Variants in FAM228A observed in about 807,000 individuals in gnomAD.
The protein encoded by FAM228A is protein FAM228A.
In FAM228A, 13 loss-of-function variants were observed where a neutral mutation model predicts 18.6. The ratio of observed to expected loss-of-function variants is 0.70; its 90% CI spans 0.45 to 1.11. FAM228A has a LOEUF of 1.11. Among genes scored for constraint, FAM228A ranks in the 50% least tolerant of loss-of-function variants. FAM228A has a pLI of 0.00. For synonymous variants in FAM228A, 77 were observed against 86.6 expected (o/e 0.89, Z 0.61); for missense variants, 240 against 242.2 (o/e 0.99, Z 0.06).
rs1667648525 is a variant in FAM228A at position 24,175,186 on chromosome 2, G to A, written c.-15+12G>A. ...GGAGCTGGCCTGAGGTGGGGCCCGG[G>A]GAGGCCTACGGGCCTGGGGGTCGCG... On this transcript the variant is annotated intron_variant, in intron 1 of 5. Transcript: ENST00000295150. 8.6e-6 allele frequency: 3 copies of A among 349,656 alleles called. No homozygotes were observed. The highest frequency in any genetic ancestry group is 8.6e-4 in the Middle Eastern group (1 of 1,166). The allele number at this position is 349,656 out of a possible 1,614,324, so 21.7% of individuals were successfully genotyped here. A position where few individuals can be genotyped will look rare whatever the true frequency, so the allele number is the denominator to read the frequency against.
chr2:24,191,028 A>G lies in FAM228A; in HGVS notation c.*397A>G, dbSNP rs2151050800. ...ACACAACTGGTGGGAAGTTTTTGAAATGAAATTTATACCAAAAAATTAGGG... is the reference window on the plus strand; with the variant it reads ...ACACAACTGGTGGGAAGTTTTTGAAGTGAAATTTATACCAAAAAATTAGGG... On this transcript the variant is annotated 3_prime_UTR_variant, in exon 6 of 6. Transcript: ENST00000295150. 1 of 999,680 alleles carries G rather than the reference A, an allele frequency of 1.0e-6. No homozygotes were observed. The highest frequency in any genetic ancestry group is 4.7e-5 in the South Asian group (1 of 21,420). The allele number at this position is 999,680 out of a possible 1,614,324, so 61.9% of individuals were successfully genotyped here.
In FAM228A at chr2:24,176,948, G is replaced by A. The variant is rs183991127; in HGVS notation, c.94-854G>A. Among the ~76,000 whole-genome samples, 58 of 152,248 alleles carry A rather than the reference G, an allele frequency of 3.8e-4. 1 individual carries two copies. Among genetic ancestry groups the A allele is most frequent in the African/African-American group, 1.3e-3 (54 of 41,546 alleles). ...TCCAACTGAAAAAGCCCTAAAGTGGGGATTAAAATGCATCAGCTTTACCCA... is the reference window on the plus strand; with the variant it reads ...TCCAACTGAAAAAGCCCTAAAGTGGAGATTAAAATGCATCAGCTTTACCCA... On this transcript the variant is annotated intron_variant, in intron 2 of 5. Transcript: ENST00000295150.
chr2:24,182,578 C>T (rs1423325547), intron 3 of FAM228A, among the ~76,000 whole-genome samples: 1 of 152,076 alleles, frequency 6.6e-6, no homozygotes, highest in Admixed American at 6.6e-5. Flanking sequence ...GCTCTGGTCA[C>T]CTGACCCTCT....
intron 5 of FAM228A, 142 bp downstream of exon 5, chr2:24,183,787 A>G (rs1667873770): frequency 2.8e-6 from 2 of 719,410 alleles, no homozygotes; most frequent in Admixed American, 3.3e-5. Context: ...GTATTATGAA[A>G]TATATGTAGA....
Position 24,191,396 on chromosome 2 carries a change from T to G in FAM228A, c.*765T>G. The G allele has an allele frequency of 1.0e-6, 1 of 985,482 alleles. No homozygotes were observed. Among genetic ancestry groups the G allele is most frequent in the South Asian group, 4.7e-5 (1 of 21,286 alleles). The allele number at this position is 985,482 out of a possible 1,614,324, so 61.0% of individuals were successfully genotyped here. ...CAGCTCCTGCTCAGTCCCATCGCTG[T>G]CCCCGGTCTCTCCAGGGAGTAAGGG... On this transcript the variant is annotated 3_prime_UTR_variant, in exon 6 of 6. Coordinates refer to ENST00000295150, the MANE Select transcript of FAM228A (RefSeq NM_001040710.3).
chr2:24,176,549 G>C (rs1667697671), intron 2 of FAM228A, among the ~76,000 whole-genome samples: 1 of 152,200 alleles, frequency 6.6e-6, no homozygotes, highest in Non-Finnish European at 1.5e-5. Flanking sequence ...AGGCTTTAAA[G>C]CAAGATCCTG....
At chr2:24,182,539 A>G (rs567995291) in intron 3 of FAM228A, among the ~76,000 whole-genome samples, 1 of 152,246 alleles carries the variant, frequency 6.6e-6, no homozygotes, top group Non-Finnish European at 1.5e-5. Flanking sequence ...ATACTTCTGT[A>G]TGTCCCTACC....
At chr2:24,177,554 T>C (rs548791676) in intron 2 of FAM228A, among the ~76,000 whole-genome samples, 1 of 151,568 alleles carries the variant, frequency 6.6e-6, no homozygotes, top group South Asian at 2.1e-4. Flanking sequence ...TTTTTTTAAA[T>C]AGTCTGGGTG....
chr2:24,175,815 C>T (rs1407512770), intron 2 of FAM228A: 2 of 1,058,044 alleles, frequency 1.9e-6, no homozygotes, highest in Non-Finnish European at 2.5e-6. Flanking sequence ...AAGGCAGCCA[C>T]CCCAGCTCCC....
rs1317393231 is a variant in FAM228A, at chr2:24,175,119, G to C, written c.-70G>C. 5.1e-6 allele frequency: 1 copy of C among 194,974 alleles called. No individual in the cohort carries two copies. Among genetic ancestry groups the C allele is most frequent in the Non-Finnish European group, 1.0e-5 (1 of 96,432 alleles). 12.1% of individuals were successfully genotyped at this position (194,974 alleles called of 1,614,324 possible). A position where few individuals can be genotyped will look rare whatever the true frequency, so the allele number is the denominator to read the frequency against. On this transcript the variant is annotated 5_prime_UTR_variant, in exon 1 of 6. Coordinates refer to ENST00000295150, the MANE Select transcript of FAM228A (RefSeq NM_001040710.3). ...GCCGCTCCAGGACGCGGCCTCGGGG[G>C]AGCCCTACCGGGACGGAGCCGCGGG... is the stretch of plus-strand genomic sequence containing the variant.
At chr2:24,188,493 C>A in intron 5 of FAM228A, 1 of 985,286 alleles carries the variant, frequency 1.0e-6, no homozygotes, top group African/African-American at 1.7e-5. Flanking sequence ...CATTGAGAAA[C>A]CAAGCACATT....
At chr2:24,178,107 T>C (rs942345035) in intron 3 of FAM228A, among the ~76,000 whole-genome samples, 1 of 152,214 alleles carries the variant, frequency 6.6e-6, no homozygotes, top group Non-Finnish European at 1.5e-5. Context: ...TCTGAGAAGT[T>C]GTTCCAATTG....
rs368889734 is a variant in FAM228A at position 24,183,530 on chromosome 2, G to C, written c.286G>C (p.Glu96Gln). 23 of 1,612,646 alleles carry C rather than the reference G, an allele frequency of 1.4e-5. No homozygotes were observed. Among genetic ancestry groups the C allele is most frequent in the Non-Finnish European group, 1.8e-5 (21 of 1,179,622 alleles). The change falls in exon 5 of 6, where the codon GAG (glutamate) becomes CAG (glutamine). Residue 96 changes from glutamate (E) to glutamine (Q), a missense_variant. Physicochemically the swap from Glu to Gln is conservative, Grantham distance 29 (BLOSUM62 2). Coordinates refer to ENST00000295150, the MANE Select transcript of FAM228A (RefSeq NM_001040710.3). ...TTCCATAAAAGAACTTGAAGAAATA[G>C]AGAAGGCCAGGCTGCATGCCAGCTC... is the stretch of plus-strand genomic sequence containing the variant. ...RHSIKELEEI[E>Q]KARLHASSPY...
intron 3 of FAM228A, among the ~76,000 whole-genome samples, chr2:24,178,686 T>G (rs890754916): frequency 2.0e-5 from 3 of 152,234 alleles, no homozygotes; most frequent in African/African-American, 7.2e-5. Context: ...ATTACCTCTC[T>G]TTCACAGGCC....
intron 5 of FAM228A, among the ~76,000 whole-genome samples, chr2:24,187,436 C>G (rs1488150211): frequency 6.6e-6 from 1 of 152,200 alleles, no homozygotes; most frequent in Non-Finnish European, 1.5e-5. Context: ...GACATTATCA[C>G]CCAAAGTTCA....
chr2:24,177,819 CAT>C lies in FAM228A; in HGVS notation c.112_113del (p.Ile38Ter). On this transcript the variant is annotated frameshift_variant, in exon 3 of 6. Transcript: ENST00000295150. LOFTEE classifies it high-confidence loss of function. ...SLMEVLAREDIDEAVCAILFK... is the reference protein window; with the variant it reads ...SLMEVLAREDXDEAVCAILFK... ...AATTTTAGGTATTAGCTAGAGAAGA[CAT>C]TGATGAAGCAGTATGTGCAATATTA... 6.3e-7 allele frequency: 1 copy of C among 1,592,320 alleles called. No individual in the cohort carries two copies. Among genetic ancestry groups the C allele is most frequent in the Non-Finnish European group, 8.6e-7 (1 of 1,162,612 alleles).
chr2:24,175,830 AGAAGCCAGGTCT>A (rs2151039194), intron 2 of FAM228A: 1 of 1,136,610 alleles, frequency 8.8e-7, no homozygotes, highest in Admixed American at 3.4e-5. Flanking sequence ...GCTCCCCGGC[AGAAGCCAGGTCT>A]GGGCTTGCCA....
chr2:24,179,285 C>A, intron 3 of FAM228A: 1 of 629,550 alleles, frequency 1.6e-6, no homozygotes, highest in Non-Finnish European at 2.1e-6. Context: ...ATTTACAGCA[C>A]AGACATAAAA....
intron 5 of FAM228A, among the ~76,000 whole-genome samples, chr2:24,186,585 T>A (rs1044508707): frequency 6.6e-5 from 10 of 152,166 alleles, no homozygotes; most frequent in African/African-American, 2.4e-4. Flanking sequence ...TTAATTTTTA[T>A]GCATTTATTG....
Sources: allele counts gnomAD v4.1 joint callset (sites outside exome capture counted in the v4.1 genomes callset), GRCh38; gene constraint gnomAD v4.1.1; transcripts MANE v1.5; gene names NCBI Gene and HGNC (gene_info 2026-07-23, HGNC 2026-07-21).